The following EBF4 variants were observed in gnomAD, a reference collection of about 807,000 sequenced individuals.
EBF4 encodes the protein transcription factor COE4.
EBF4 carries 34 observed loss-of-function variants against 67.1 expected under a neutral mutation model. The ratio of observed to expected loss-of-function variants is 0.51; its 90% CI spans 0.39 to 0.67. The LOEUF is 0.67. Among genes scored for constraint, EBF4 ranks in the 30% least tolerant of loss-of-function variants. The probability of loss-of-function intolerance (pLI) is 0.00; values close to 1 mark genes in which losing one functional copy is unlikely to be tolerated. For synonymous variants in EBF4, 387 were observed against 377.7 expected (o/e 1.02, Z -0.29); for missense variants, 837 against 873.3 (o/e 0.96, Z 0.52).
intron 1 of EBF4, among the ~76,000 whole-genome samples, chr20:2,704,850 G>T (rs974383095): frequency 1.3e-5 from 2 of 152,202 alleles, no homozygotes; most frequent in African/African-American, 2.4e-5. Context: ...TGGGGAAGAG[G>T]GAATGCCTTC....
At chr20:2,703,257 A>T (rs1203545016) in intron 1 of EBF4, among the ~76,000 whole-genome samples, 4 of 38,118 alleles carry the variant, frequency 1.0e-4, no homozygotes, top group African/African-American at 1.2e-3. Flanking sequence ...ACCCTGTCTT[A>T]AAAAAAAAAA....
intron 6 of EBF4, among the ~76,000 whole-genome samples, chr20:2,734,715 T>G (rs1178081353): frequency 6.6e-6 from 1 of 152,254 alleles, no homozygotes; most frequent in Non-Finnish European, 1.5e-5. Flanking sequence ...TGCTCTTGGC[T>G]TAGTTATCAG....
At chr20:2,700,530 C>T (rs917883775) in intron 1 of EBF4, among the ~76,000 whole-genome samples, 18 of 152,340 alleles carry the variant, frequency 1.2e-4, no homozygotes, top group African/African-American at 4.1e-4. Context: ...ATCTCTCTGT[C>T]TCTAAGCCAG....
intron 1 of EBF4, among the ~76,000 whole-genome samples, chr20:2,697,544 CAAAA>C (rs756145663): frequency 1.3e-5 from 1 of 74,256 alleles, no homozygotes; most frequent in Non-Finnish European, 2.4e-5. Flanking sequence ...GACTCTGTCT[CAAAA>C]AAAAAAAGAA....
intron 6 of EBF4, among the ~76,000 whole-genome samples, chr20:2,742,999 A>G (rs1199914919): frequency 2.0e-5 from 3 of 151,668 alleles, no homozygotes; most frequent in Non-Finnish European, 4.4e-5. Context: ...CCATGTCCAC[A>G]TGTGTTCCAT....
Position 2,757,757 on chromosome 20 carries a change from G to A in EBF4, c.1739-1152G>A, listed in dbSNP as rs140616715. 5.3e-3 allele frequency among the ~76,000 whole-genome samples: 801 copies of A among 152,244 alleles called. 4 individuals are homozygous for A. The highest frequency in any genetic ancestry group is 0.018 in the African/African-American group (766 of 41,524). On this transcript the variant is annotated intron_variant, in intron 15 of 16. Coordinates refer to ENST00000609451, the Ensembl canonical transcript of EBF4. The stretch of plus-strand genomic sequence containing the variant: ...AGATCAGGAGTTCAAGACCAGTCTG[G>A]GCAAGATGGCAAAACCTCGTCTCTA...
At chr20:2,709,449 G>T (rs532028790) in intron 5 of EBF4, 125 bp from the exon 6 acceptor site, 2 of 856,088 alleles carry the variant, frequency 2.3e-6, no homozygotes, top group African/African-American at 1.7e-5. Context: ...TCCAGCCCAG[G>T]GATTCCACAC....
chr20:2,722,728 A>G (rs538174171), intron 6 of EBF4, among the ~76,000 whole-genome samples: 1 of 152,198 alleles, frequency 6.6e-6, no homozygotes, highest in Non-Finnish European at 1.5e-5. Context: ...TTCATTGTGT[A>G]ATATCTATTG....
chr20:2,694,030 G>T (rs1233101077), intron 1 of EBF4, among the ~76,000 whole-genome samples: 1 of 152,198 alleles, frequency 6.6e-6, no homozygotes, highest in Non-Finnish European at 1.5e-5. Context: ...TCGCGGGTGC[G>T]GCGGTGAACG....
chr20:2,713,189 G>A (rs1420228098), intron 6 of EBF4, among the ~76,000 whole-genome samples: 1 of 152,204 alleles, frequency 6.6e-6, no homozygotes, highest in Non-Finnish European at 1.5e-5. Context: ...AGAGAGGGGA[G>A]AATTGCTGAA....
rs1440669125 is a variant in EBF4, at chr20:2,747,282, G to A, written c.558-1267G>A. Among the ~76,000 whole-genome samples the A allele has an allele frequency of 4.1e-5, 6 of 144,736 alleles. No homozygotes were observed. The highest frequency in any genetic ancestry group is 4.5e-5 in the Non-Finnish European group (3 of 66,756). 95.0% of individuals were successfully genotyped at this position (144,736 alleles called of 152,430 possible). On this transcript the variant is annotated intron_variant, in intron 6 of 16. Transcript: ENST00000609451. This position sits in a 1 kb window ranked among gnomAD's most constrained non-coding sequence, Gnocchi z 4.6. ...AGACATGGCGAGCCTGGGCAACAGA[G>A]CAAGACTCTGTCTCAAAACAAAAAA...
At chr20:2,748,597 T>G (rs1385011104) in exon 7 of EBF4, 2 of 1,551,574 alleles carry the variant, frequency 1.3e-6, no homozygotes, top group African/African-American at 2.7e-5. Context: ...GCCTGAAGAA[T>G]GCGGGGAATC....
chr20:2,714,350 C>A (rs2087581590), intron 6 of EBF4, among the ~76,000 whole-genome samples: 1 of 147,778 alleles, frequency 6.8e-6, no homozygotes, highest in African/African-American at 2.5e-5. Flanking sequence ...TTCTTTCTTT[C>A]TTTTCTTTCT....
intron 6 of EBF4, among the ~76,000 whole-genome samples, chr20:2,734,354 G>C (rs912159947): frequency 6.6e-6 from 1 of 152,188 alleles, no homozygotes; most frequent in Non-Finnish European, 1.5e-5. Context: ...GCTTCAGTGA[G>C]CCATGATCAC....
chr20:2,717,900 T>G (rs370191392), intron 6 of EBF4, among the ~76,000 whole-genome samples: 3 of 151,972 alleles, frequency 2.0e-5, no homozygotes, highest in East Asian at 3.9e-4. Context: ...AACCTCTGCC[T>G]CCTGGGTTCA....
chr20:2,726,066 C>T (rs2087742890), intron 6 of EBF4, among the ~76,000 whole-genome samples: 1 of 151,596 alleles, frequency 6.6e-6, no homozygotes, highest in African/African-American at 2.4e-5. Flanking sequence ...TAAGGCTCTA[C>T]ATGTATTTTT....
intron 1 of EBF4, among the ~76,000 whole-genome samples, chr20:2,697,552 A>AAAAG (rs4053448): frequency 0.66 from 96,646 of 146,986 alleles, 33,061 homozygotes; most frequent in African/African-American, 0.86. Context: ...CTCAAAAAAA[A>AAAAG]AAAGAAAGAA....
intron 6 of EBF4, among the ~76,000 whole-genome samples, chr20:2,729,749 A>G (rs1237114985): frequency 1.3e-5 from 2 of 152,242 alleles, no homozygotes; most frequent in Non-Finnish European, 2.9e-5. Context: ...GTCCGTTTTC[A>G]CATCCTATTA....
At chr20:2,740,959 G>A (rs905708893) in intron 6 of EBF4, among the ~76,000 whole-genome samples, 2 of 152,080 alleles carry the variant, frequency 1.3e-5, no homozygotes, top group Admixed American at 6.6e-5. Flanking sequence ...TGCAGCTGGG[G>A]CATGAGGGAA....
Sources: allele counts gnomAD v4.1 joint callset (sites outside exome capture counted in the v4.1 genomes callset), GRCh38; gene constraint gnomAD v4.1.1; non-coding constraint Gnocchi (gnomAD v3.1); transcripts MANE v1.5; gene names NCBI Gene and HGNC (gene_info 2026-07-23, HGNC 2026-07-21).